Variants in EMC8 observed in about 807,000 individuals in gnomAD.
EMC8 encodes the protein ER membrane protein complex subunit 8.
Under a neutral mutation model 24.3 loss-of-function variants are expected in EMC8, and 11 were observed. The ratio of observed to expected loss-of-function variants is 0.45; its 90% CI spans 0.28 to 0.75. EMC8 has a LOEUF of 0.75. Among genes scored for constraint, EMC8 ranks in the 30% least tolerant of loss-of-function variants. EMC8 has a pLI of 0.12. For synonymous variants in EMC8, 145 were observed against 117.7 expected, an observed-to-expected ratio of 1.23 and a Z score of -1.50; for missense variants, 277 against 282.7, an observed-to-expected ratio of 0.98 and a Z score of 0.14.
At position 85,799,453 on chromosome 16, in the gene EMC8, T is replaced by C. The variant is rs534642187; in HGVS notation, c.-158A>G. 13 of 405,646 alleles carry C rather than the reference T, an allele frequency of 3.2e-5. No homozygotes were observed. Among genetic ancestry groups the C allele is most frequent in the Middle Eastern group, 6.6e-4 (1 of 1,516 alleles). The allele number at this position is 405,646 out of a possible 1,614,324, so 25.1% of individuals were successfully genotyped here. A position where few individuals can be genotyped will look rare whatever the true frequency, so the allele number is the denominator to read the frequency against. On this transcript the variant is annotated 5_prime_UTR_variant, in exon 1 of 5. Transcript: ENST00000253457. This position sits in a 1 kb window ranked among gnomAD's most constrained non-coding sequence, Gnocchi z 4.2. ...GGGACCCTTCAGGCCCGGCCCCGTT[T>C]GGGCCTCGGCTCCTGGAAAAGCGAC...
chr16:85,788,867 G>C (rs1904873809), intron 2 of EMC8, 107 bp downstream of exon 2: 3 of 783,722 alleles, frequency 3.8e-6, no homozygotes, highest in Non-Finnish European at 2.3e-6. Context: ...AGAGGGAAGG[G>C]GTGTAGGTCT....
intron 1 of EMC8, among the ~76,000 whole-genome samples, chr16:85,795,738 CTG>C (rs1174537866): frequency 2.0e-5 from 3 of 152,204 alleles, no homozygotes; most frequent in African/African-American, 4.8e-5. Flanking sequence ...TCCCTGAGCT[CTG>C]TGAGTTGCTC....
At chr16:85,788,832 C>A (rs746918196) in intron 2 of EMC8, 142 bp downstream of exon 2, 1 of 673,324 alleles carries the variant, frequency 1.5e-6, no homozygotes, top group Non-Finnish European at 2.7e-6. Flanking sequence ...CACCACAGTT[C>A]GCCTCAAATA....
chr16:85,782,438 T>C (rs1158367887), intron 2 of EMC8, among the ~76,000 whole-genome samples: 2 of 152,188 alleles, frequency 1.3e-5, no homozygotes. Flanking sequence ...TATTCTTCTA[T>C]CCTATGCCAG....
chr16:85,782,143 G>C (rs1229934905), intron 2 of EMC8, among the ~76,000 whole-genome samples: 1 of 152,206 alleles, frequency 6.6e-6, no homozygotes, highest in Non-Finnish European at 1.5e-5. Flanking sequence ...CAGCTCCTGG[G>C]CCAAACTCCA....
rs1273931043 is a variant in EMC8, at chr16:85,799,343, T to G, written c.-48A>C. The G allele has an allele frequency of 1.6e-6, 2 of 1,251,712 alleles. No homozygotes were observed. 77.5% of individuals were successfully genotyped at this position (1,251,712 alleles called of 1,614,324 possible). A position where few individuals can be genotyped will look rare whatever the true frequency, so the allele number is the denominator to read the frequency against. On this transcript the variant is annotated 5_prime_UTR_variant, in exon 1 of 5. Coordinates refer to ENST00000253457, the MANE Select transcript of EMC8 (RefSeq NM_006067.5). The surrounding 1 kb of genome is among the most constrained non-coding windows in gnomAD (Gnocchi z 4.2). ...GGCCCCTGGGCGCGCGGCTGAGGCC[T>G]GGACCCGCTGCCTGGCCGCGCGGCG...
chr16:85,787,345 G>A (rs1388039390), intron 2 of EMC8, among the ~76,000 whole-genome samples: 2 of 151,950 alleles, frequency 1.3e-5, no homozygotes, highest in East Asian at 1.9e-4. Flanking sequence ...ATCCTACCAG[G>A]TCTAAGTCTC....
chr16:85,787,492 C>T (rs1277281445), intron 2 of EMC8: 1 of 152,304 alleles, frequency 6.6e-6, no homozygotes, highest in East Asian at 1.9e-4. Context: ...CACGCCTAGT[C>T]TTTCATGTAA....
At chr16:85,791,695 T>C (rs1357148886) in intron 1 of EMC8, among the ~76,000 whole-genome samples, 3 of 152,212 alleles carry the variant, frequency 2.0e-5, no homozygotes, top group Non-Finnish European at 2.9e-5. Flanking sequence ...AGAATCCTTT[T>C]CCTTGCCTTT....
intron 1 of EMC8, among the ~76,000 whole-genome samples, chr16:85,796,018 A>G (rs1333643040): frequency 6.6e-6 from 1 of 152,104 alleles, no homozygotes; most frequent in Non-Finnish European, 1.5e-5. Flanking sequence ...ACGCGGTTGG[A>G]GAGCTTTTCC....
Position 85,779,371 on chromosome 16 carries a change from C to A in EMC8, c.*337G>T. ...TTTTAAAAAAAGATAGTTCAAAAGC[C>A]TTAAAAAGTATTCTCTCCAGATTAT... On this transcript the variant is annotated 3_prime_UTR_variant, in exon 5 of 5. Coordinates refer to ENST00000253457, the MANE Select transcript of EMC8 (RefSeq NM_006067.5). The A allele has an allele frequency of 6.0e-6, 1 of 167,780 alleles. No individual in the cohort carries two copies. The highest frequency in any genetic ancestry group is 1.5e-4 in the South Asian group (1 of 6,520). The allele number at this position is 167,780 out of a possible 1,614,324, so 10.4% of individuals were successfully genotyped here.
intron 1 of EMC8, chr16:85,793,029 G>A (rs1481099059): frequency 6.6e-6 from 1 of 152,232 alleles, no homozygotes; most frequent in Admixed American, 6.5e-5. Context: ...TTTTTAGAGA[G>A]AAAGGACATT....
intron 4 of EMC8, chr16:85,780,069 C>T (rs544677202): frequency 8.3e-5 from 50 of 605,028 alleles, no homozygotes; most frequent in South Asian, 2.8e-4. Context: ...ACGCCTTTCA[C>T]GTGGAATTCT....
At chr16:85,797,513 T>G (rs944656570) in intron 1 of EMC8, among the ~76,000 whole-genome samples, 1 of 152,212 alleles carries the variant, frequency 6.6e-6, no homozygotes, top group Non-Finnish European at 1.5e-5. Context: ...GCTAAAATAC[T>G]TAGTTTTATA....
intron 1 of EMC8, chr16:85,792,985 C>T (rs1435670469): frequency 2.0e-5 from 3 of 152,220 alleles, no homozygotes; most frequent in South Asian, 2.1e-4. Flanking sequence ...AGACACCTTC[C>T]GCATTCTGCA....
At chr16:85,798,669 G>A (rs1209842481) in intron 1 of EMC8, 2 of 193,104 alleles carry the variant, frequency 1.0e-5, no homozygotes, top group South Asian at 2.8e-4. Flanking sequence ...GCTCTGCGAA[G>A]GTGCGAAGAA....
intron 1 of EMC8, among the ~76,000 whole-genome samples, chr16:85,794,871 G>A (rs1905184257): frequency 6.6e-6 from 1 of 152,318 alleles, no homozygotes; most frequent in African/African-American, 2.4e-5. Context: ...TGAGGCGCGG[G>A]AGCAAGGTCA....
intron 1 of EMC8, among the ~76,000 whole-genome samples, chr16:85,795,740 G>GT (rs1391865931): frequency 3.9e-5 from 6 of 152,124 alleles, no homozygotes; most frequent in African/African-American, 1.4e-4. Context: ...CCTGAGCTCT[G>GT]TGAGTTGCTC....
chr16:85,788,091 C>T (rs1780384504), intron 2 of EMC8, among the ~76,000 whole-genome samples: 1 of 152,204 alleles, frequency 6.6e-6, no homozygotes, highest in Non-Finnish European at 1.5e-5. Context: ...GACGCATGCC[C>T]GTTATATACG....
Sources: allele counts gnomAD v4.1 joint callset (sites outside exome capture counted in the v4.1 genomes callset), GRCh38; gene constraint gnomAD v4.1.1; non-coding constraint Gnocchi (gnomAD v3.1); transcripts MANE v1.5; gene names NCBI Gene and HGNC (gene_info 2026-07-23, HGNC 2026-07-21).